Variants in TIPIN observed in about 807,000 individuals in gnomAD.
TIPIN encodes the protein TIMELESS-interacting protein.
Under a neutral mutation model 35.6 loss-of-function variants are expected in TIPIN, and 29 were observed. The ratio of observed to expected loss-of-function variants is 0.82; its 90% CI spans 0.61 to 1.11. TIPIN has a LOEUF of 1.11. Ranked by LOEUF, TIPIN falls within the 50% of genes most tolerant of loss-of-function variation. The pLI, the probability that TIPIN is intolerant of heterozygous loss-of-function variation, is 0.00. For synonymous variants in TIPIN, 102 were observed against 121.5 expected (o/e 0.84, Z 1.06); for missense variants, 296 against 345.4 (o/e 0.86, Z 1.13).
chr15:66,369,351 A>AT lies in TIPIN; in HGVS notation c.-8-16397dup, dbSNP rs1178740176. On this transcript the variant is annotated intron_variant, in intron 1 of 7. Coordinates refer to the TIPIN transcript ENST00000562124. ...TGTACCAATAATAATAGTTCACAAT[A>AT]TCTTTTTTTTTTTTTTTTTTTGAGA... Among the ~76,000 whole-genome samples the AT allele has an allele frequency of 7.5e-4, 63 of 83,790 alleles. 2 individuals are homozygous for AT. Among genetic ancestry groups the AT allele is most frequent in the Non-Finnish European group, 1.0e-3 (44 of 43,892 alleles). 55.0% of individuals were successfully genotyped at this position (83,790 alleles called of 152,430 possible).
chr15:66,344,473 CA>C (rs1394826022), intron 6 of TIPIN, among the ~76,000 whole-genome samples: 1 of 150,938 alleles, frequency 6.6e-6, no homozygotes. Flanking sequence ...ACCAAGAAAA[CA>C]AAGGTATCTT....
chr15:66,338,770 C>T (rs993576154), intron 7 of TIPIN, among the ~76,000 whole-genome samples: 64 of 142,158 alleles, frequency 4.5e-4, no homozygotes, highest in Non-Finnish European at 3.0e-5. Context: ...GCCGAGATCA[C>T]GCCATTGCAC....
chr15:66,366,779 A>AG (rs1340245132), intron 1 of TIPIN: 500 of 944,372 alleles, frequency 5.3e-4, no homozygotes, highest in Non-Finnish European at 5.8e-4. Context: ...AAAAAAAAAA[A>AG]AAAGAAAGAA....
chr15:66,339,062 G>A (rs1432242987), intron 7 of TIPIN, among the ~76,000 whole-genome samples: 1 of 141,770 alleles, frequency 7.1e-6, no homozygotes, highest in Non-Finnish European at 1.5e-5. Context: ...AACCCGGGAG[G>A]CAGAGGTTGC....
At chr15:66,385,588 C>A (rs1399391573) in intron 1 of TIPIN, among the ~76,000 whole-genome samples, 1 of 151,838 alleles carries the variant, frequency 6.6e-6, no homozygotes, top group East Asian at 1.9e-4. Flanking sequence ...CTCCCGAGTT[C>A]AAGCAATTCT....
At chr15:66,344,692 A>G (rs555055731) in intron 6 of TIPIN, among the ~76,000 whole-genome samples, 17 of 151,276 alleles carry the variant, frequency 1.1e-4, no homozygotes, top group Admixed American at 5.3e-4. Flanking sequence ...CTCTACAAAA[A>G]AAAAAAGAAA....
intron 1 of TIPIN, among the ~76,000 whole-genome samples, chr15:66,382,651 G>A (rs1013550338): frequency 8.5e-5 from 13 of 152,094 alleles, no homozygotes; most frequent in Admixed American, 7.2e-4. Flanking sequence ...CTGGGATTAC[G>A]GGAGTGACAG....
At chr15:66,369,393 C>G (rs1471728237) in intron 1 of TIPIN, among the ~76,000 whole-genome samples, 1 of 124,576 alleles carries the variant, frequency 8.0e-6, no homozygotes, top group East Asian at 2.5e-4. Flanking sequence ...CTCGCTCTGT[C>G]GCCCAGGCTG....
At chr15:66,370,631 G>A (rs748772757) in intron 1 of TIPIN, among the ~76,000 whole-genome samples, 4 of 152,102 alleles carry the variant, frequency 2.6e-5, no homozygotes, top group Admixed American at 6.6e-5. Flanking sequence ...AAAAGCAATT[G>A]ATATAGAGCC....
chr15:66,350,916 C>T (rs549846788), intron 4 of TIPIN, among the ~76,000 whole-genome samples: 3 of 88,558 alleles, frequency 3.4e-5, no homozygotes, highest in Non-Finnish European at 6.3e-5. Context: ...GCCTGGGCAA[C>T]AGAGCAAGCA....
chr15:66,337,723 A>T (rs1036654818), intron 7 of TIPIN, among the ~76,000 whole-genome samples: 1 of 151,288 alleles, frequency 6.6e-6, no homozygotes, highest in Non-Finnish European at 1.5e-5. Context: ...GGAGTTCAGG[A>T]CCAGCCTGGG....
intron 1 of TIPIN, among the ~76,000 whole-genome samples, chr15:66,364,127 T>C (rs1404008991): frequency 1.3e-5 from 2 of 148,898 alleles, no homozygotes; most frequent in African/African-American, 2.5e-5. Flanking sequence ...ATCCAAACCA[T>C]ATCAACATGC....
chr15:66,373,153 A>G (rs12916613), intron 1 of TIPIN, among the ~76,000 whole-genome samples: 8,602 of 152,206 alleles, frequency 0.057, 346 homozygotes, highest in Middle Eastern at 0.11. Context: ...CATTTCTCAG[A>G]ACATATTCCC....
chr15:66,386,143 G>C (rs914443695), intron 1 of TIPIN, among the ~76,000 whole-genome samples: 1 of 152,088 alleles, frequency 6.6e-6, no homozygotes, highest in Admixed American at 6.6e-5. Flanking sequence ...AATACAAAAA[G>C]GATCCGGGCA....
chr15:66,337,679 G>A (rs1216294023), intron 7 of TIPIN, among the ~76,000 whole-genome samples: 1 of 151,244 alleles, frequency 6.6e-6, no homozygotes, highest in East Asian at 1.9e-4. Context: ...GGCCAGGCCC[G>A]ATCCCAACAA....
In TIPIN at chr15:66,349,127, A is replaced by G. The variant is rs1224218510; in HGVS notation, c.412-4T>C. ...GTCGAATTCGTTTTAAACAGGTCTG[A>G]AAATGAAAAGAGATTATTTATTTTT... On this transcript the variant is annotated splice_polypyrimidine_tract_variant and splice_region_variant and intron_variant, in intron 5 of 7. Coordinates refer to ENST00000261881, the MANE Select transcript of TIPIN (RefSeq NM_017858.3). 2 of 1,610,492 alleles carry G rather than the reference A, an allele frequency of 1.2e-6. No homozygotes were observed. Among genetic ancestry groups the G allele is most frequent in the African/African-American group, 1.3e-5 (1 of 74,856 alleles).
Position 66,380,492 on chromosome 15 carries a change from C to T in TIPIN, c.-9+6115G>A, listed in dbSNP as rs545427190. ...ATTTGCCTTTGGGTGTTGATATAGA[C>T]GTTACGTTTTTTCTGTTTATGACAA... On this transcript the variant is annotated intron_variant, in intron 1 of 7. Transcript: ENST00000562124. Among the ~76,000 whole-genome samples, 25 of 152,112 alleles carry T rather than the reference C, an allele frequency of 1.6e-4. No individual in the cohort carries two copies. The South Asian group carries it at 3.3e-3, about 20-fold the overall frequency.
Position 66,337,058 on chromosome 15 carries a change from G to C in TIPIN, c.806C>G (p.Ala269Gly). ...ILDNPCNDAI[A>G]NTLNEEETLL... The stretch of plus-strand genomic sequence containing the variant: ...TGTTTCCTCTTCATTTAAAGTATTG[G>C]CAATAGCATCATTACATGGATTGTC... The change falls in exon 8 of 8, where the codon GCC (alanine) becomes GGC (glycine). Residue 269 changes from alanine (A) to glycine (G), a missense_variant. Coordinates refer to ENST00000261881, the MANE Select transcript of TIPIN (RefSeq NM_017858.3). 6.2e-7 allele frequency: 1 copy of C among 1,614,006 alleles called. No homozygotes were observed. The highest frequency in any genetic ancestry group is 8.5e-7 in the Non-Finnish European group (1 of 1,180,002).
At chr15:66,377,562 A>G (rs1433673949) in intron 1 of TIPIN, among the ~76,000 whole-genome samples, 1 of 151,946 alleles carries the variant, frequency 6.6e-6, no homozygotes, top group Non-Finnish European at 1.5e-5. Context: ...ATGGGGTTTC[A>G]CCATATTGGC....
Sources: gnomAD v4.1 joint callset for allele counts (sites outside exome capture counted in the v4.1 genomes callset) on GRCh38, gnomAD v4.1.1 for gene constraint, MANE v1.5 for transcripts, NCBI Gene and HGNC (gene_info 2026-07-23, HGNC 2026-07-21) for gene names.